The following ASCC3 variants were observed in gnomAD, a reference collection of about 807,000 sequenced individuals.
ASCC3 encodes the protein ASC-1 complex subunit P200.
Under a neutral mutation model 256.3 loss-of-function variants are expected in ASCC3, and 158 were observed. That is an observed-to-expected ratio of 0.62 (90% CI 0.54 to 0.70). The LOEUF (loss-of-function observed/expected upper bound fraction) is 0.70. ASCC3 is among the 30% of genes least tolerant of loss of function. The pLI, the probability that ASCC3 is intolerant of heterozygous loss-of-function variation, is 0.00. For missense variants in ASCC3, 2,259 were observed against 2,626.0 expected, an observed-to-expected ratio of 0.86 and a Z score of 3.05; for synonymous variants, 948 against 883.4, an observed-to-expected ratio of 1.07 and a Z score of -1.30.
intron 36 of ASCC3, among the ~76,000 whole-genome samples, chr6:100,544,221 A>C (rs1183710251): frequency 1.3e-5 from 2 of 152,148 alleles, no homozygotes; most frequent in Admixed American, 1.3e-4. Context: ...AATTGAAGAA[A>C]GGTCTCAAAT....
intron 13 of ASCC3, among the ~76,000 whole-genome samples, chr6:100,704,049 ATT>A (rs35170339): frequency 3.7e-4 from 55 of 148,266 alleles, no homozygotes; most frequent in East Asian, 1.2e-3. Flanking sequence ...ACCAAGAAGT[ATT>A]TTTTTTTTTT....
At chr6:100,767,737 T>C (rs1025033605) in intron 8 of ASCC3, among the ~76,000 whole-genome samples, 2 of 151,598 alleles carry the variant, frequency 1.3e-5, no homozygotes, top group African/African-American at 4.8e-5. Context: ...GCCTCCCGAG[T>C]AGCTGGGACT....
chr6:100,539,103 C>T (rs1775310738), intron 37 of ASCC3, among the ~76,000 whole-genome samples: 1 of 152,054 alleles, frequency 6.6e-6, no homozygotes, highest in Admixed American at 6.5e-5. Flanking sequence ...GTTAGTTCTC[C>T]TTAGAAAAAT....
intron 10 of ASCC3, among the ~76,000 whole-genome samples, chr6:100,725,960 C>T (rs565436299): frequency 7.0e-6 from 1 of 142,372 alleles, no homozygotes; most frequent in African/African-American, 2.7e-5. Flanking sequence ...GTACAAAATA[C>T]ACATGTTTTT....
chr6:100,582,974 C>T (rs1771396417), intron 36 of ASCC3, among the ~76,000 whole-genome samples: 1 of 152,290 alleles, frequency 6.6e-6, no homozygotes, highest in African/African-American at 2.4e-5. Flanking sequence ...TGATGTGCTG[C>T]TGGATTCAGT....
chr6:100,661,144 A>C (rs1003395072), intron 16 of ASCC3, among the ~76,000 whole-genome samples: 2 of 151,782 alleles, frequency 1.3e-5, no homozygotes, highest in South Asian at 2.1e-4. Flanking sequence ...GGTATGAAAG[A>C]ATACTGAACT....
rs927476050 is a variant in ASCC3, at chr6:100,646,471, C to T, written c.3633+144G>A. 41 of 854,186 alleles carry T rather than the reference C, an allele frequency of 4.8e-5. No individual in the cohort carries two copies. In the Admixed American group the frequency reaches 5.9e-4, roughly 12 times the overall value. The allele number at this position is 854,186 out of a possible 1,614,324, so 52.9% of individuals were successfully genotyped here. A position where few individuals can be genotyped will look rare whatever the true frequency, so the allele number is the denominator to read the frequency against. Reference sequence around the variant, plus strand: ...GACTACAGGTGCCCACCACCATGCCCGGCTAATTGCTATAATTTTTAAAAT... The same window carrying T: ...GACTACAGGTGCCCACCACCATGCCTGGCTAATTGCTATAATTTTTAAAAT... On this transcript the variant is annotated intron_variant, in intron 22 of 41. Coordinates refer to ENST00000369162, the MANE Select transcript of ASCC3 (RefSeq NM_006828.4).
At chr6:100,818,665 GA>G (rs1440014594) in intron 4 of ASCC3, among the ~76,000 whole-genome samples, 1 of 127,308 alleles carries the variant, frequency 7.9e-6, no homozygotes, top group Non-Finnish European at 1.6e-5. Context: ...ACTAAGATTA[GA>G]AATAAGAAAA....
chr6:100,509,751 A>G (rs908515834), intron 41 of ASCC3, among the ~76,000 whole-genome samples, 181 bp downstream of exon 41: 68 of 151,818 alleles, frequency 4.5e-4, no homozygotes, highest in African/African-American at 1.4e-3. Context: ...AGCCGGGCGC[A>G]GTGGCGGGCG....
At chr6:100,563,304 A>G (rs2031847392) in intron 36 of ASCC3, among the ~76,000 whole-genome samples, 1 of 151,874 alleles carries the variant, frequency 6.6e-6, no homozygotes, top group African/African-American at 2.4e-5. Flanking sequence ...TAAAAGGGGG[A>G]AGAATATACA....
At chr6:100,515,469 C>T (rs1188932688) in intron 39 of ASCC3, among the ~76,000 whole-genome samples, 7 of 152,054 alleles carry the variant, frequency 4.6e-5, no homozygotes, top group Admixed American at 2.6e-4. Flanking sequence ...AAATCCTGAA[C>T]GTTTACTTTG....
chr6:100,601,562 A>G (rs1772615052), intron 34 of ASCC3, among the ~76,000 whole-genome samples: 1 of 152,062 alleles, frequency 6.6e-6, no homozygotes, highest in Non-Finnish European at 1.5e-5. Flanking sequence ...TCATGTCTCA[A>G]TTACAGAGCA....
chr6:100,593,110 A>G (rs754804122), intron 34 of ASCC3, among the ~76,000 whole-genome samples: 11 of 152,164 alleles, frequency 7.2e-5, no homozygotes, highest in Non-Finnish European at 1.2e-4. Context: ...GCAGGGTTGA[A>G]TATTTACAAT....
intron 36 of ASCC3, among the ~76,000 whole-genome samples, chr6:100,587,147 T>C (rs1477822313): frequency 2.6e-5 from 4 of 152,154 alleles, no homozygotes; most frequent in Non-Finnish European, 5.9e-5. Context: ...GCTTTCCTCA[T>C]CTTCTTATGC....
chr6:100,695,367 AATC>A (rs141395970), intron 13 of ASCC3, among the ~76,000 whole-genome samples: 2,341 of 152,256 alleles, frequency 0.015, 23 homozygotes, highest in East Asian at 0.045. Context: ...CAGATGCAAA[AATC>A]ATCAACAAAA....
intron 8 of ASCC3, among the ~76,000 whole-genome samples, chr6:100,788,088 T>A (rs1165917474): frequency 6.6e-6 from 1 of 151,950 alleles, no homozygotes; most frequent in African/African-American, 2.4e-5. Flanking sequence ...AAACGGACTG[T>A]ATTCAGACTA....
intron 10 of ASCC3, among the ~76,000 whole-genome samples, chr6:100,743,714 A>G (rs1252466988): frequency 6.6e-6 from 1 of 152,208 alleles, no homozygotes. Context: ...TGAAGGTTTA[A>G]TGAAAACACA....
chr6:100,564,755 A>G (rs1321796529), intron 36 of ASCC3, among the ~76,000 whole-genome samples: 1 of 152,170 alleles, frequency 6.6e-6, no homozygotes, highest in African/African-American at 2.4e-5. Flanking sequence ...TATATGTAGA[A>G]TAGTAATAGG....
chr6:100,567,592 A>G (rs1431984239), intron 36 of ASCC3, among the ~76,000 whole-genome samples: 1 of 152,102 alleles, frequency 6.6e-6, no homozygotes, highest in Non-Finnish European at 1.5e-5. Context: ...TCCAGTGTCT[A>G]CAGTCATCTT....
Sources: allele counts gnomAD v4.1 joint callset (sites outside exome capture counted in the v4.1 genomes callset), GRCh38; gene constraint gnomAD v4.1.1; transcripts MANE v1.5; gene names NCBI Gene and HGNC (gene_info 2026-07-23, HGNC 2026-07-21).